The following HDAC9 variants were observed in gnomAD, a reference collection of about 807,000 sequenced individuals.
HDAC9 encodes the protein MEF-2 interacting transcription repressor (MITR) protein.
A neutral mutation model predicts 139.4 loss-of-function variants in HDAC9; 41 were observed. The ratio of observed to expected loss-of-function variants is 0.29; its 90% CI spans 0.23 to 0.38. The LOEUF is 0.38. Among genes scored for constraint, HDAC9 ranks in the 10% least tolerant of loss-of-function variants. HDAC9 has a pLI of 1.00. For missense variants in HDAC9, 1,147 were observed against 1,297.0 expected, an observed-to-expected ratio of 0.88 and a Z score of 1.78; for synonymous variants, 517 against 476.2, an observed-to-expected ratio of 1.09 and a Z score of -1.12.
chr7:18,089,386 T>C (rs552383027), intron 1 of HDAC9, among the ~76,000 whole-genome samples: 3 of 152,304 alleles, frequency 2.0e-5, no homozygotes, highest in African/African-American at 7.2e-5. Context: ...ATTTTATACA[T>C]GCTTATAGAT....
intron 2 of HDAC9, among the ~76,000 whole-genome samples, chr7:18,530,104 A>G: frequency 6.6e-6 from 1 of 151,948 alleles, no homozygotes; most frequent in Non-Finnish European, 1.5e-5. Flanking sequence ...ACAAAGCAAG[A>G]TCCAGTCTCT....
chr7:18,990,999 C>G (rs565807109), intron 25 of HDAC9, among the ~76,000 whole-genome samples: 1 of 152,214 alleles, frequency 6.6e-6, no homozygotes, highest in Non-Finnish European at 1.5e-5. Flanking sequence ...AGAAATCACC[C>G]GTCTTCTGCG....
chr7:18,655,893 A>G (rs1238913430), intron 11 of HDAC9, among the ~76,000 whole-genome samples: 1 of 152,200 alleles, frequency 6.6e-6, no homozygotes. Flanking sequence ...GATTCCAGGC[A>G]GTTCAAAGGG....
intron 1 of HDAC9, among the ~76,000 whole-genome samples, chr7:18,317,176 G>C (rs540545858): frequency 6.6e-6 from 1 of 150,936 alleles, no homozygotes; most frequent in South Asian, 2.1e-4. Flanking sequence ...CAGCCTGGGT[G>C]ACAGAGTGAG....
At chr7:18,199,890 A>G (rs1192007764) in intron 2 of HDAC9, among the ~76,000 whole-genome samples, 1 of 151,964 alleles carries the variant, frequency 6.6e-6, no homozygotes, top group African/African-American at 2.4e-5. Context: ...TGATCACACC[A>G]CTGCCCTCCA....
At chr7:18,815,412 C>T (rs1794491351) in intron 17 of HDAC9, among the ~76,000 whole-genome samples, 1 of 152,204 alleles carries the variant, frequency 6.6e-6, no homozygotes, top group African/African-American at 2.4e-5. Flanking sequence ...ACCAAGACCA[C>T]ATCCTGATGA....
intron 6 of HDAC9, among the ~76,000 whole-genome samples, chr7:18,595,953 C>T (rs1483459204): frequency 6.6e-6 from 1 of 151,900 alleles, no homozygotes; most frequent in East Asian, 1.9e-4. Flanking sequence ...CAATCCACAA[C>T]ACAATTTAAA....
At chr7:18,613,626 C>T (rs964369097) in intron 6 of HDAC9, among the ~76,000 whole-genome samples, 1 of 152,034 alleles carries the variant, frequency 6.6e-6, no homozygotes, top group Non-Finnish European at 1.5e-5. Flanking sequence ...CTTTTCTTGT[C>T]AAACTGTGAT....
intron 23 of HDAC9, among the ~76,000 whole-genome samples, chr7:18,950,953 C>G (rs750328835): frequency 3.3e-5 from 5 of 151,990 alleles, no homozygotes; most frequent in Non-Finnish European, 5.9e-5. Context: ...ACACCTGTTA[C>G]ATTTGCAAAG....
chr7:18,355,144 G>A (rs1392732714), intron 1 of HDAC9, among the ~76,000 whole-genome samples: 1 of 152,072 alleles, frequency 6.6e-6, no homozygotes, highest in Admixed American at 6.6e-5. Context: ...GTCACCAAGG[G>A]CTATGCTCCA....
intron 1 of HDAC9, among the ~76,000 whole-genome samples, chr7:18,412,127 C>T (rs1788625229): frequency 6.6e-6 from 1 of 152,044 alleles, no homozygotes. Flanking sequence ...TGCGCCCAGC[C>T]TCAACTTGCT....
intron 2 of HDAC9, among the ~76,000 whole-genome samples, chr7:18,205,094 G>T (rs1332702351): frequency 6.6e-6 from 1 of 151,720 alleles, no homozygotes; most frequent in Non-Finnish European, 1.5e-5. Context: ...ATAGTATATG[G>T]CATACATTTT....
intron 11 of HDAC9, among the ~76,000 whole-genome samples, chr7:18,660,373 G>A (rs766156107): frequency 6.6e-6 from 1 of 152,114 alleles, no homozygotes; most frequent in Non-Finnish European, 1.5e-5. Context: ...TTTTATTCCA[G>A]AGAAGATGAA....
intron 5 of HDAC9, among the ~76,000 whole-genome samples, chr7:18,592,474 C>A (rs1831272183): frequency 6.6e-6 from 1 of 152,018 alleles, no homozygotes; most frequent in South Asian, 2.1e-4. Flanking sequence ...AGTTTCATTT[C>A]TTTCTTAGAA....
chr7:18,837,172 G>T (rs1796294100), intron 21 of HDAC9, among the ~76,000 whole-genome samples: 1 of 151,194 alleles, frequency 6.6e-6, no homozygotes, highest in Non-Finnish European at 1.5e-5. Flanking sequence ...AGATACAAAG[G>T]AAAATTCTAC....
intron 21 of HDAC9, among the ~76,000 whole-genome samples, chr7:18,861,279 C>T (rs1798085562): frequency 1.3e-5 from 2 of 152,126 alleles, no homozygotes; most frequent in South Asian, 4.1e-4. Flanking sequence ...ATGACTTCTA[C>T]CAACTCCAAA....
At chr7:18,100,958 C>A (rs1308534047) in intron 1 of HDAC9, among the ~76,000 whole-genome samples, 2 of 152,162 alleles carry the variant, frequency 1.3e-5, no homozygotes, top group African/African-American at 4.8e-5. Context: ...CTCTACCCAA[C>A]ACCCCATGAA....
At chr7:18,252,170 T>A (rs1420322034) in intron 2 of HDAC9, among the ~76,000 whole-genome samples, 14 of 152,126 alleles carry the variant, frequency 9.2e-5, no homozygotes, top group Non-Finnish European at 5.9e-5. Context: ...ACAAAAAAAA[T>A]ATGAAATATT....
intron 17 of HDAC9, among the ~76,000 whole-genome samples, chr7:18,810,283 G>A (rs2520348): frequency 0.012 from 1,895 of 151,856 alleles, 34 homozygotes; most frequent in African/African-American, 0.043. Context: ...TGCATAATTC[G>A]GAGTATTCTT....
Sources: gnomAD v4.1 joint callset for allele counts (sites outside exome capture counted in the v4.1 genomes callset) on GRCh38, gnomAD v4.1.1 for gene constraint, MANE v1.5 for transcripts, NCBI Gene and HGNC (gene_info 2026-07-23, HGNC 2026-07-21) for gene names.